CSGALNACT1: variants seen among roughly 807,000 people sequenced by gnomAD.
The protein encoded by CSGALNACT1 is beta4GalNAcT-1.
In CSGALNACT1, 52 loss-of-function variants were observed where a neutral mutation model predicts 51.0. That is an observed-to-expected ratio of 1.02 (90% CI 0.82 to 1.29). The LOEUF (loss-of-function observed/expected upper bound fraction) is 1.29. Ranked by LOEUF, CSGALNACT1 falls within the 50% of genes most tolerant of loss-of-function variation. The pLI is 0.00. For synonymous variants in CSGALNACT1, 341 were observed against 254.4 expected, an observed-to-expected ratio of 1.34 and a Z score of -3.24; for missense variants, 935 against 679.2, an observed-to-expected ratio of 1.38 and a Z score of -4.19.
intron 1 of CSGALNACT1, among the ~76,000 whole-genome samples, chr8:19,727,636 C>T (rs1185383636): frequency 6.6e-6 from 1 of 152,212 alleles, no homozygotes; most frequent in Non-Finnish European, 1.5e-5. Context: ...TGAGCCACTG[C>T]AATTGGCCAC....
At chr8:19,569,353 C>T (rs2042529953) in intron 3 of CSGALNACT1, among the ~76,000 whole-genome samples, 1 of 152,186 alleles carries the variant, frequency 6.6e-6, no homozygotes, top group South Asian at 2.1e-4. Context: ...GGACTATTCT[C>T]TCTGACACCC....
chr8:19,596,735 A>G (rs2048987861), intron 2 of CSGALNACT1, among the ~76,000 whole-genome samples: 1 of 152,184 alleles, frequency 6.6e-6, no homozygotes, highest in Admixed American at 6.5e-5. Context: ...CAAACCATGA[A>G]CTCTAAAAAA....
At chr8:19,688,804 G>C (rs2061124545) in intron 1 of CSGALNACT1, 1 of 152,456 alleles carries the variant, frequency 6.6e-6, no homozygotes, top group African/African-American at 2.4e-5. Context: ...CCAGCAGTCT[G>C]ACTTCCATCC....
intron 1 of CSGALNACT1, among the ~76,000 whole-genome samples, chr8:19,693,063 T>G (rs1355286135): frequency 6.6e-6 from 1 of 152,204 alleles, no homozygotes; most frequent in Non-Finnish European, 1.5e-5. Context: ...CCCAGCCTTG[T>G]GCCTATGTGC....
chr8:19,581,724 T>G (rs2045615437), intron 3 of CSGALNACT1, among the ~76,000 whole-genome samples: 1 of 152,204 alleles, frequency 6.6e-6, no homozygotes. Flanking sequence ...CTACAGAGTA[T>G]CAGCAACATA....
intron 9 of CSGALNACT1, 105 bp downstream of exon 8, chr8:19,408,508 G>A: frequency 4.5e-6 from 2 of 444,266 alleles, no homozygotes; most frequent in Non-Finnish European, 4.3e-6. Context: ...GAAGGCAATG[G>A]TACCACCTTC....
chr8:19,756,681 G>C (rs951638288), intron 1 of CSGALNACT1, among the ~76,000 whole-genome samples: 4 of 151,542 alleles, frequency 2.6e-5, no homozygotes, highest in African/African-American at 9.7e-5. Flanking sequence ...TCCCCCACTA[G>C]CCCGGTCCCG....
chr8:19,727,746 G>C (rs548729573), intron 1 of CSGALNACT1, among the ~76,000 whole-genome samples: 47 of 152,214 alleles, frequency 3.1e-4, no homozygotes, highest in African/African-American at 1.1e-3. Context: ...CCATGGCTGG[G>C]TGACATTTCC....
intron 8 of CSGALNACT1, 61 bp from the exon 8 acceptor site, chr8:19,408,755 A>G (rs2054906688): frequency 4.0e-6 from 6 of 1,486,624 alleles, no homozygotes; most frequent in Non-Finnish European, 5.6e-6. Context: ...TAGAGTGTTC[A>G]CAAACTCCTG....
At chr8:19,605,560 A>T (rs1474567135), upstream of CSGALNACT1, among the ~76,000 whole-genome samples, 1 of 152,168 alleles carries the variant, frequency 6.6e-6, no homozygotes, top group Admixed American at 6.5e-5. Flanking sequence ...GAGGATTCCG[A>T]GTGAGCATTA....
At chr8:19,540,563 G>T (rs991091817) in intron 3 of CSGALNACT1, among the ~76,000 whole-genome samples, 2 of 152,172 alleles carry the variant, frequency 1.3e-5, no homozygotes, top group Non-Finnish European at 2.9e-5. Flanking sequence ...AGACTGGAAG[G>T]AAAAGCAACA....
intron 4 of CSGALNACT1, among the ~76,000 whole-genome samples, chr8:19,497,132 C>T (rs1042207966): frequency 6.6e-6 from 1 of 152,152 alleles, no homozygotes; most frequent in African/African-American, 2.4e-5. Context: ...TGACGTGGTA[C>T]CTGCCTAGGA....
intron 3 of CSGALNACT1, among the ~76,000 whole-genome samples, chr8:19,574,353 C>T (rs534239566): frequency 6.6e-6 from 1 of 152,342 alleles, no homozygotes. Flanking sequence ...CTTGCAACAA[C>T]TTCCACAGCC....
At chr8:19,512,881 G>A (rs888976093) in intron 3 of CSGALNACT1, among the ~76,000 whole-genome samples, 1 of 152,308 alleles carries the variant, frequency 6.6e-6, no homozygotes. Flanking sequence ...AGAAACCAGA[G>A]TCAACAATGG....
intron 1 of CSGALNACT1, among the ~76,000 whole-genome samples, chr8:19,657,107 A>C (rs911045246): frequency 1.1e-4 from 16 of 152,062 alleles, no homozygotes; most frequent in Non-Finnish European, 1.8e-4. Flanking sequence ...ACCATGTAAA[A>C]TAAGTAAAAC....
At chr8:19,505,662 T>A in exon 4 of CSGALNACT1, 3 of 1,614,194 alleles carry the variant, frequency 1.9e-6, no homozygotes, top group Non-Finnish European at 2.5e-6. Context: ...AAGGACGGCC[T>A]GGTACCCCTC....
At chr8:19,600,624 A>T (rs764254305) in intron 2 of CSGALNACT1, among the ~76,000 whole-genome samples, 6 of 152,160 alleles carry the variant, frequency 3.9e-5, no homozygotes, top group Non-Finnish European at 7.3e-5. Flanking sequence ...TTTGGGAGGA[A>T]TTCTCCTTCA....
intron 4 of CSGALNACT1, among the ~76,000 whole-genome samples, chr8:19,460,522 A>G (rs1206060270): frequency 1.3e-5 from 2 of 152,126 alleles, no homozygotes. Context: ...CATGGATTCT[A>G]TTCATGTCTC....
chr8:19,562,427 C>A (rs1050873142), intron 3 of CSGALNACT1, among the ~76,000 whole-genome samples: 10 of 149,332 alleles, frequency 6.7e-5, no homozygotes, highest in African/African-American at 2.2e-4. Context: ...ATGTCAAAAG[C>A]AATTTCATCA....
Sources: gnomAD v4.1 joint callset for allele counts (sites outside exome capture counted in the v4.1 genomes callset) on GRCh38, gnomAD v4.1.1 for gene constraint, MANE v1.5 for transcripts, NCBI Gene and HGNC (gene_info 2026-07-23, HGNC 2026-07-21) for gene names.